The following HPS3 variants were observed in gnomAD, a reference collection of about 807,000 sequenced individuals.
The protein encoded by HPS3 is HPS3 biogenesis of lysosomal organelles complex 2 subunit 1.
In HPS3, 79 loss-of-function variants were observed where a neutral mutation model predicts 110.9. That is an observed-to-expected ratio of 0.71 (90% CI 0.59 to 0.86). HPS3 has a LOEUF of 0.86. Among genes scored for constraint, HPS3 ranks in the 40% least tolerant of loss-of-function variants. The pLI is 0.00. For missense variants in HPS3, 1,197 were observed against 1,206.2 expected (o/e 0.99, Z 0.11); for synonymous variants, 428 against 451.0 (o/e 0.95, Z 0.65).
intron 15 of HPS3, among the ~76,000 whole-genome samples, 200 bp downstream of exon 15, chr3:149,167,440 T>C (rs1724535667): frequency 1.4e-5 from 2 of 146,170 alleles, no homozygotes; most frequent in Middle Eastern, 3.4e-3. Context: ...AGATGGTATA[T>C]TATCATCATT....
In HPS3 at chr3:149,140,998, T is replaced by TA. The variant is rs1722405551; in HGVS notation, c.713-18dup. 2.5e-6 allele frequency: 4 copies of TA among 1,610,792 alleles called. No homozygotes were observed. Among genetic ancestry groups the TA allele is most frequent in the East Asian group, 2.2e-5 (1 of 44,858 alleles). On this transcript the variant is annotated intron_variant, in intron 2 of 16. Transcript: ENST00000296051. ...CTAATTTTCATTCAAGCAGGACTGT[T>TA]ACATTTTATTTTTTTAAGGCATCAG... is the stretch of plus-strand genomic sequence containing the variant.
Position 149,145,495 on chromosome 3 carries a change from A to T in HPS3, c.1112A>T (p.Glu371Val). 3.7e-6 allele frequency: 6 copies of T among 1,614,104 alleles called. No individual in the cohort carries two copies. Among genetic ancestry groups the T allele is most frequent in the Non-Finnish European group, 5.1e-6 (6 of 1,179,950 alleles). Residue 371 changes from glutamate to valine, a missense_variant, in exon 5 of 17, where the codon GAA (glutamate) becomes GTA (valine). Physicochemically the swap from Glu to Val is moderately radical, Grantham distance 121. Coordinates refer to ENST00000296051, the MANE Select transcript of HPS3 (RefSeq NM_032383.5). ...VELMSVYQYP[E>V]KSQQAVLTPQ... ...TTGATGTCAGTCTACCAGTATCCTGAAAAGTCTCAGCAGGCAGTACTCACG... is the reference window on the plus strand; with the variant it reads ...TTGATGTCAGTCTACCAGTATCCTGTAAAGTCTCAGCAGGCAGTACTCACG...
intron 1 of HPS3, among the ~76,000 whole-genome samples, chr3:149,136,338 C>G (rs999533575): frequency 6.6e-6 from 1 of 152,038 alleles, no homozygotes; most frequent in African/African-American, 2.4e-5. Context: ...GCCAAGACAA[C>G]TTGGGCAACG....
chr3:149,155,832 G>A (rs1057233744), intron 8 of HPS3, among the ~76,000 whole-genome samples: 6 of 152,100 alleles, frequency 3.9e-5, no homozygotes, highest in Admixed American at 1.3e-4. Flanking sequence ...CCAGGAGTTC[G>A]AGACTAGCCT....
chr3:149,140,031 AAAAC>A lies in HPS3; in HGVS notation c.249_252del (p.Asn83LysfsTer9), dbSNP rs770108122. On this transcript the variant is annotated frameshift_variant, in exon 2 of 17. Coordinates refer to ENST00000296051, the MANE Select transcript of HPS3 (RefSeq NM_032383.5). LOFTEE classifies it high-confidence loss of function. ...GATTATTTGGTAGCAATTGAAGAGA[AAAAC>A]AAAGCTACATTTCTACGTGCTTATG... is the stretch of plus-strand genomic sequence containing the variant. The A allele has an allele frequency of 1.9e-6, 3 of 1,613,502 alleles. No homozygotes were observed. The highest frequency in any genetic ancestry group is 1.7e-6 in the Non-Finnish European group (2 of 1,179,648).
rs1217006749 is a variant in HPS3, at chr3:149,160,137, A to C, written c.1964A>C (p.Asn655Thr). ...TGTAGTCCTTCTATGAAGAATATTA[A>C]TCCTTTAACTGCCATGAGCTATCTA... The part of the protein sequence containing the change: ...ILCSPSMKNI[N>T]PLTAMSYLRK... The change falls in exon 11 of 17, where the codon AAT (asparagine) becomes ACT (threonine). Residue 655 changes from asparagine (N) to threonine (T), a missense_variant. Transcript: ENST00000296051. The C allele has an allele frequency of 6.2e-7, 1 of 1,613,806 alleles. No individual in the cohort carries two copies. The highest frequency in any genetic ancestry group is 8.5e-7 in the Non-Finnish European group (1 of 1,179,738).
chr3:149,144,298 G>A (rs1397029057), intron 4 of HPS3, among the ~76,000 whole-genome samples: 6 of 152,044 alleles, frequency 3.9e-5, no homozygotes, highest in South Asian at 2.1e-4. Flanking sequence ...CAGGAGAATC[G>A]TTTGAACCCG....
chr3:149,140,432 A>G lies in HPS3; in HGVS notation c.646A>G (p.Lys216Glu). 6.2e-7 allele frequency: 1 copy of G among 1,612,506 alleles called. No homozygotes were observed. The highest frequency in any genetic ancestry group is 1.1e-5 in the South Asian group (1 of 90,584). The change falls in exon 2 of 17, where the codon AAA becomes GAA. Residue 216 changes from lysine to glutamate, a missense_variant. Coordinates refer to ENST00000296051, the MANE Select transcript of HPS3 (RefSeq NM_032383.5). ...AATCGTAAAACTGGAGTCAGGCCCT[A>G]AAAATGGAGAGAGAGTTCACCACCA... ...VLIVKLESGP[K>E]NGERVHHHPH... is the part of the protein sequence containing the mutation.
intron 8 of HPS3, among the ~76,000 whole-genome samples, chr3:149,155,576 C>G (rs9860430): frequency 0.22 from 33,035 of 151,994 alleles, 4,341 homozygotes; most frequent in South Asian, 0.37. Flanking sequence ...GTATCCCTGT[C>G]CCACTCTTCT....
chr3:149,141,882 C>T (rs1195466225), intron 4 of HPS3, among the ~76,000 whole-genome samples: 1 of 150,766 alleles, frequency 6.6e-6, no homozygotes, highest in East Asian at 1.9e-4. Flanking sequence ...CAGAGTTTTG[C>T]TCTTGTTGTC....
intron 16 of HPS3, among the ~76,000 whole-genome samples, chr3:149,171,276 CA>C (rs547538833): frequency 3.6e-4 from 51 of 140,762 alleles, no homozygotes; most frequent in African/African-American, 6.1e-4. Flanking sequence ...GACTCCGTCT[CA>C]AAAAAAAAAA....
At chr3:149,144,272 A>C (rs373780956) in intron 4 of HPS3, among the ~76,000 whole-genome samples, 1 of 151,720 alleles carries the variant, frequency 6.6e-6, no homozygotes, top group South Asian at 2.1e-4. Flanking sequence ...AGTCCCAGCT[A>C]CCTGGGAGGC....
At position 149,167,107 on chromosome 3, in the gene HPS3, T is replaced by C; in HGVS notation, c.2663T>C (p.Ile888Thr). ...PFLEPLSEDT[I>T]AGLSVHVLCR... Reference sequence around the variant, plus strand: ...TTGGAGCCACTTTCAGAAGACACTATTGCCGGCCTCAGTGTCCATGTTCTG... The same window carrying C: ...TTGGAGCCACTTTCAGAAGACACTACTGCCGGCCTCAGTGTCCATGTTCTG... The change falls in exon 15 of 17, where the codon ATT (isoleucine) becomes ACT (threonine). Residue 888 changes from isoleucine to threonine, a missense_variant. Coordinates refer to ENST00000296051, the MANE Select transcript of HPS3 (RefSeq NM_032383.5). 1 of 1,613,670 alleles carries C rather than the reference T, an allele frequency of 6.2e-7. No homozygotes were observed. Among genetic ancestry groups the C allele is most frequent in the South Asian group, 1.1e-5 (1 of 91,062 alleles).
rs1476178602 is a variant in HPS3 at position 149,163,966 on chromosome 3, CCTT to C, written c.2589+18_2589+20del. 1 of 1,203,616 alleles carries C rather than the reference CCTT, an allele frequency of 8.3e-7. No individual in the cohort carries two copies. Among genetic ancestry groups the C allele is most frequent in the East Asian group, 2.3e-5 (1 of 42,766 alleles). The allele number at this position is 1,203,616 out of a possible 1,614,324, so 74.6% of individuals were successfully genotyped here. A position where few individuals can be genotyped will look rare whatever the true frequency, so the allele number is the denominator to read the frequency against. On this transcript the variant is annotated intron_variant, in intron 14 of 16. Coordinates refer to ENST00000296051, the MANE Select transcript of HPS3 (RefSeq NM_032383.5). ...AAATTACAGGTAAGTAAAAATACCT[CCTT>C]TTCTTATGAAATTGCATATTACAAT... is the stretch of plus-strand genomic sequence containing the variant.
rs756741531 is a variant in HPS3, at chr3:149,155,057, A to G, written c.1401-50A>G. 3 of 923,338 alleles carry G rather than the reference A, an allele frequency of 3.2e-6. No homozygotes were observed. The South Asian group carries it at 3.9e-5, about 12-fold the overall frequency. 57.2% of individuals were successfully genotyped at this position (923,338 alleles called of 1,614,324 possible). A position where few individuals can be genotyped will look rare whatever the true frequency, so the allele number is the denominator to read the frequency against. On this transcript the variant is annotated intron_variant, in intron 7 of 16. Coordinates refer to ENST00000296051, the MANE Select transcript of HPS3 (RefSeq NM_032383.5). ...CCAATATTTACCATTTACAACTACC[A>G]TTTATTAATAATGTCATTTTAAAAT...
Position 149,167,200 on chromosome 3 carries a change from T to C in HPS3, c.2756T>C (p.Val919Ala). 6.2e-7 allele frequency: 1 copy of C among 1,613,846 alleles called. No individual in the cohort carries two copies. The highest frequency in any genetic ancestry group is 8.5e-7 in the Non-Finnish European group (1 of 1,179,846). Reference protein sequence around the residue: ...DILLERCPEAVIPYANHELKE... With the variant: ...DILLERCPEAAIPYANHELKE... ...CTGTTAGAGAGATGCCCGGAGGCAG[T>C]CATTCCATATGCTAATCATGAACTG... The change falls in exon 15 of 17, where the codon GTC becomes GCC. Residue 919 changes from valine (V) to alanine (A), a missense_variant. By Grantham distance (64) the Val-to-Ala change is moderately conservative. Transcript: ENST00000296051.
intron 1 of HPS3, among the ~76,000 whole-genome samples, chr3:149,138,830 A>G (rs946558899): frequency 6.6e-6 from 1 of 152,258 alleles, no homozygotes; most frequent in Non-Finnish European, 1.5e-5. Context: ...AATGTAAATT[A>G]TAATAGCCGT....
chr3:149,139,095 CA>C (rs1722283569), intron 1 of HPS3, among the ~76,000 whole-genome samples: 1 of 151,850 alleles, frequency 6.6e-6, no homozygotes, highest in Admixed American at 6.6e-5. Context: ...AACATAGTGG[CA>C]AAAAACCCTG....
intron 7 of HPS3, among the ~76,000 whole-genome samples, chr3:149,154,699 A>G (rs1021344764): frequency 6.6e-6 from 1 of 152,236 alleles, no homozygotes. Context: ...TCATATTCTC[A>G]GCAGCCATGA....
Sources: gnomAD v4.1 joint callset for allele counts (sites outside exome capture counted in the v4.1 genomes callset) on GRCh38, gnomAD v4.1.1 for gene constraint, MANE v1.5 for transcripts, NCBI Gene and HGNC (gene_info 2026-07-23, HGNC 2026-07-21) for gene names.